FILIP1L: variants seen among roughly 807,000 people sequenced by gnomAD.
The protein encoded by FILIP1L is filamin A interacting protein 1 like, also known as filamin A-interacting protein 1-like.
Under a neutral mutation model 96.6 loss-of-function variants are expected in FILIP1L, and 55 were observed. That is an observed-to-expected ratio of 0.57 (90% CI 0.46 to 0.71). FILIP1L has a LOEUF of 0.71. Among genes scored for constraint, FILIP1L ranks in the 30% least tolerant of loss-of-function variants. FILIP1L has a pLI of 0.00. For synonymous variants in FILIP1L, 467 were observed against 473.9 expected (o/e 0.99, Z 0.19); for missense variants, 1,304 against 1,321.2 (o/e 0.99, Z 0.20).
intron 1 of FILIP1L, among the ~76,000 whole-genome samples, chr3:100,088,091 A>G (rs1177683291): frequency 3.9e-5 from 6 of 152,112 alleles, no homozygotes; most frequent in Admixed American, 2.6e-4. Flanking sequence ...TCGGCCTCCC[A>G]AAGTGCTGGG....
intron 1 of FILIP1L, among the ~76,000 whole-genome samples, chr3:100,050,641 C>T (rs2065355546): frequency 6.6e-6 from 1 of 152,170 alleles, no homozygotes; most frequent in South Asian, 2.1e-4. Flanking sequence ...AAGCGATTCT[C>T]CTGCCTCAGC....
chr3:99,839,404 A>C (rs982825245), intron 5 of FILIP1L, among the ~76,000 whole-genome samples: 1 of 152,230 alleles, frequency 6.6e-6, no homozygotes, highest in Non-Finnish European at 1.5e-5. Flanking sequence ...GGAAGCCTGT[A>C]TCCTAATAGA....
At chr3:99,946,945 G>C (rs1708026158) in intron 1 of FILIP1L, among the ~76,000 whole-genome samples, 1 of 151,880 alleles carries the variant, frequency 6.6e-6, no homozygotes, top group Admixed American at 6.6e-5. Flanking sequence ...GACCAGCCTG[G>C]CCAACATGGC....
chr3:100,062,401 GC>G (rs1201029966), intron 1 of FILIP1L, among the ~76,000 whole-genome samples: 3 of 152,000 alleles, frequency 2.0e-5, no homozygotes, highest in African/African-American at 7.3e-5. Flanking sequence ...GTGAGCCACC[GC>G]GCCCGGTCTA....
intron 1 of FILIP1L, among the ~76,000 whole-genome samples, chr3:99,953,340 T>G (rs1204283154): frequency 6.6e-6 from 1 of 152,178 alleles, no homozygotes; most frequent in Non-Finnish European, 1.5e-5. Context: ...AATGAAATTC[T>G]AAGGAAGTAG....
chr3:100,073,240 C>T (rs1170751753), intron 1 of FILIP1L, among the ~76,000 whole-genome samples: 1 of 152,084 alleles, frequency 6.6e-6, no homozygotes, highest in East Asian at 1.9e-4. Context: ...CTCCACCATA[C>T]TCATTTATTT....
intron 1 of FILIP1L, among the ~76,000 whole-genome samples, chr3:99,984,533 C>T (rs566900562): frequency 1.3e-5 from 2 of 152,158 alleles, no homozygotes; most frequent in African/African-American, 4.8e-5. Flanking sequence ...GTCCTCTAGC[C>T]CCTGGTCACT....
intron 4 of FILIP1L, among the ~76,000 whole-genome samples, chr3:99,904,139 G>C (rs1706533250): frequency 1.3e-5 from 2 of 152,192 alleles, no homozygotes; most frequent in African/African-American, 4.8e-5. Context: ...TGGCAATAGT[G>C]AGTGTGATGA....
intron 4 of FILIP1L, among the ~76,000 whole-genome samples, chr3:99,885,137 A>C (rs1484504268): frequency 2.6e-5 from 4 of 152,240 alleles, no homozygotes; most frequent in African/African-American, 9.6e-5. Flanking sequence ...CTTTTTGAAC[A>C]TAATCAATTC....
chr3:99,951,783 T>C lies in FILIP1L; in HGVS notation c.-10-20753A>G, dbSNP rs147572788. Reference sequence around the variant, plus strand: ...GTAAGGAGCCAAACAGTAAATATTTTAGGTTTTGCAGTTTCTGCCACAACT... The same window carrying C: ...GTAAGGAGCCAAACAGTAAATATTTCAGGTTTTGCAGTTTCTGCCACAACT... On this transcript the variant is annotated intron_variant, in intron 1 of 5. Transcript: ENST00000477258. Among the ~76,000 whole-genome samples the C allele has an allele frequency of 5.0e-3, 761 of 152,314 alleles. 5 individuals are homozygous for C. Among genetic ancestry groups the C allele is most frequent in the Admixed American group, 8.2e-3 (126 of 15,298 alleles).
At chr3:99,892,398 T>C (rs1706110687) in intron 4 of FILIP1L, among the ~76,000 whole-genome samples, 1 of 152,186 alleles carries the variant, frequency 6.6e-6, no homozygotes. Flanking sequence ...TTATACTTTG[T>C]CTAGGAAGTG....
chr3:100,095,934 A>C (rs1052890071), intron 1 of FILIP1L, among the ~76,000 whole-genome samples: 1 of 152,208 alleles, frequency 6.6e-6, no homozygotes, highest in Non-Finnish European at 1.5e-5. Flanking sequence ...GAAAAAAATG[A>C]ATAATCCAAT....
chr3:99,922,518 G>A (rs913069774), intron 4 of FILIP1L, among the ~76,000 whole-genome samples: 3 of 152,050 alleles, frequency 2.0e-5, no homozygotes, highest in African/African-American at 4.8e-5. Flanking sequence ...CTGGCACTCC[G>A]AAAAAATGCC....
chr3:99,924,378 A>ATTCTTTATGTTTT lies in FILIP1L; in HGVS notation c.444_456dup (p.Ser153LysfsTer3). On this transcript the variant is annotated stop_gained and frameshift_variant, in exon 4 of 6. Coordinates refer to ENST00000477258, the MANE Select transcript of FILIP1L (RefSeq NM_001387850.1). LOFTEE classifies it high-confidence loss of function. ...AGCTGTCCCAGGATTCGTCTGTAAG[A>ATTCTTTATGTTTT]TTCTTTATGTTTTTCCACAACTTTG... is the stretch of plus-strand genomic sequence containing the variant. 6.2e-7 allele frequency: 1 copy of ATTCTTTATGTTTT among 1,613,974 alleles called. No individual in the cohort carries two copies. Among genetic ancestry groups the ATTCTTTATGTTTT allele is most frequent in the African/African-American group, 1.3e-5 (1 of 75,014 alleles).
intron 1 of FILIP1L, among the ~76,000 whole-genome samples, chr3:100,016,188 TTTTG>T (rs760003779): frequency 1.1e-4 from 16 of 152,186 alleles, no homozygotes; most frequent in Non-Finnish European, 1.8e-4. Flanking sequence ...TTGGGTCAGC[TTTTG>T]TTTGTTTGTT....
At chr3:99,892,883 A>G (rs1706129673) in intron 4 of FILIP1L, among the ~76,000 whole-genome samples, 1 of 152,218 alleles carries the variant, frequency 6.6e-6, no homozygotes, top group Non-Finnish European at 1.5e-5. Flanking sequence ...GATTATTCTA[A>G]GTTATCTTTT....
chr3:99,959,386 G>T (rs915542272), intron 1 of FILIP1L, among the ~76,000 whole-genome samples: 1 of 152,218 alleles, frequency 6.6e-6, no homozygotes, highest in Non-Finnish European at 1.5e-5. Context: ...CTGTCCTCTT[G>T]TGATCTGCCT....
chr3:100,028,208 A>T (rs1476201167), intron 1 of FILIP1L, among the ~76,000 whole-genome samples: 6 of 152,320 alleles, frequency 3.9e-5, no homozygotes, highest in African/African-American at 1.4e-4. Flanking sequence ...TGATATCATT[A>T]TCCCAGTTTT....
intron 1 of FILIP1L, among the ~76,000 whole-genome samples, chr3:100,109,259 A>G (rs1330166501): frequency 6.6e-6 from 1 of 152,144 alleles, no homozygotes; most frequent in Non-Finnish European, 1.5e-5. Flanking sequence ...AGAATTCCAT[A>G]CAACACCAAA....
Sources: gnomAD v4.1 joint callset for allele counts (sites outside exome capture counted in the v4.1 genomes callset) on GRCh38, gnomAD v4.1.1 for gene constraint, MANE v1.5 for transcripts, NCBI Gene and HGNC (gene_info 2026-07-23, HGNC 2026-07-21) for gene names.